The following ZNF483 variants were observed in gnomAD, a reference collection of about 807,000 sequenced individuals.
ZNF483 encodes zinc finger protein 483.
ZNF483 carries 9 observed loss-of-function variants against 28.6 expected under a neutral mutation model. The ratio of observed to expected loss-of-function variants is 0.32; its 90% confidence interval spans 0.19 to 0.55. The LOEUF is 0.55. Among genes scored for constraint, ZNF483 ranks in the 20% least tolerant of loss-of-function variants. The pLI, the probability that ZNF483 is intolerant of heterozygous loss-of-function variation, is 0.93. For missense variants in ZNF483, 675 were observed against 871.7 expected, an observed-to-expected ratio of 0.77 and a Z score of 2.84; for synonymous variants, 322 against 306.2, an observed-to-expected ratio of 1.05 and a Z score of -0.54.
chr9:111,549,638 G>A lies in ZNF483; in HGVS notation c.*6468G>A, dbSNP rs76345666. 105,135 of 1,157,368 alleles carry A rather than the reference G, an allele frequency of 0.091. 5,202 individuals carry two copies. Among genetic ancestry groups the A allele is most frequent in the East Asian group, 0.14 (5,229 of 37,648 alleles). 71.7% of individuals were successfully genotyped at this position (1,157,368 alleles called of 1,614,324 possible). On this transcript the variant is annotated 3_prime_UTR_variant, in exon 6 of 6. Coordinates refer to ENST00000309235, the MANE Select transcript of ZNF483 (RefSeq NM_133464.5). ...CTGTAGCTCTTCTGGGGCAGCGGTC[G>A]TGGTGGTGGTGGCAGCGGCAGCAGG... is the stretch of plus-strand genomic sequence containing the variant.
rs879328337 is a variant in ZNF483, at chr9:111,549,869, G to A, written c.*6699G>A. On this transcript the variant is annotated 3_prime_UTR_variant, in exon 6 of 6. Transcript: ENST00000309235. ...GCAGTTGCTTTAAAGTCTGTCTAGT[G>A]AGTCAATGTTTGGTCTTCCTCATGT... The A allele has an allele frequency of 5.1e-6, 5 of 978,206 alleles. No individual in the cohort carries two copies. The highest frequency in any genetic ancestry group is 7.8e-6 in the Non-Finnish European group (5 of 639,384). The allele number at this position is 978,206 out of a possible 1,614,324, so 60.6% of individuals were successfully genotyped here. A position where few individuals can be genotyped will look rare whatever the true frequency, so the allele number is the denominator to read the frequency against.
chr9:111,563,223 G>A lies in ZNF483; in HGVS notation c.722-13142G>A, dbSNP rs774763628. On this transcript the variant is annotated intron_variant, in intron 5 of 5. Transcript: ENST00000358151. The stretch of plus-strand genomic sequence containing the variant: ...CTTCAATGATATATTCCTTGTACTG[G>A]ATTTTACCCTGTATCAAAGCAACAA... 3 of 1,611,882 alleles carry A rather than the reference G, an allele frequency of 1.9e-6. No individual in the cohort carries two copies. The Admixed American group carries it at 5.0e-5, about 27-fold the overall frequency.
chr9:111,526,691 C>T (rs1827192330), intron 1 of ZNF483, among the ~76,000 whole-genome samples: 1 of 152,192 alleles, frequency 6.6e-6, no homozygotes, highest in Admixed American at 6.5e-5. Context: ...TGTTAAATAG[C>T]TTTGTGACTG....
intron 2 of ZNF483, 67 bp from the exon 3 acceptor site, chr9:111,530,808 T>A: frequency 7.1e-6 from 1 of 140,330 alleles, no homozygotes; most frequent in Non-Finnish European, 1.5e-5. Context: ...TATACATATA[T>A]ATATATAAGA....
At chr9:111,574,486 C>G in intron 5 of ZNF483, 1 of 223,442 alleles carries the variant, frequency 4.5e-6, no homozygotes, top group Non-Finnish European at 8.7e-6. Flanking sequence ...GTAGCTGGGA[C>G]TACAGGTGTA....
chr9:111,528,013 G>A (rs1290845890), intron 2 of ZNF483: 20 of 1,458,878 alleles, frequency 1.4e-5, no homozygotes, highest in Non-Finnish European at 1.7e-5. Context: ...TGTTAAAAAG[G>A]GATTTTATCT....
chr9:111,570,304 G>A (rs1828754333), intron 5 of ZNF483: 1 of 1,474,362 alleles, frequency 6.8e-7, no homozygotes, highest in Non-Finnish European at 9.0e-7. Context: ...CTTGGTGCTG[G>A]GAGTTTTTTG....
At position 111,560,966 on chromosome 9, in the gene ZNF483, TATATATATAGAGAGAGAG is replaced by T. The variant is rs1224918834; in HGVS notation, c.722-15397_722-15380del. ...TAAAATATATATATATATATATATA[TATATATATAGAGAGAGAG>T]AGAGAGAGAGAGAGAGAGAGAGAGA... is the stretch of plus-strand genomic sequence containing the variant. On this transcript the variant is annotated intron_variant, in intron 5 of 5. Coordinates refer to the ZNF483 transcript ENST00000358151. 5.7e-4 allele frequency among the ~76,000 whole-genome samples: 26 copies of T among 45,356 alleles called. 4 individuals carry two copies. The Admixed American group carries it at 6.8e-3, about 12-fold the overall frequency. The allele number at this position is 45,356 out of a possible 152,430, so 29.8% of individuals were successfully genotyped here. A position where few individuals can be genotyped will look rare whatever the true frequency, so the allele number is the denominator to read the frequency against.
chr9:111,573,783 C>T (rs1441604473), intron 5 of ZNF483, among the ~76,000 whole-genome samples: 1 of 152,124 alleles, frequency 6.6e-6, no homozygotes, highest in African/African-American at 2.4e-5. Context: ...TCTCACAGGA[C>T]TGGGATTTAA....
At chr9:111,534,718 CTTTTTTTTT>C (rs67740162) in intron 5 of ZNF483, among the ~76,000 whole-genome samples, 1 of 88,130 alleles carries the variant, frequency 1.1e-5, no homozygotes, top group African/African-American at 4.5e-5. Context: ...GTCGTTCTAT[CTTTTTTTTT>C]TTTTTTTTTT....
intron 5 of ZNF483, among the ~76,000 whole-genome samples, chr9:111,534,888 T>G (rs1483888234): frequency 2.0e-5 from 3 of 151,988 alleles, no homozygotes; most frequent in Non-Finnish European, 4.4e-5. Context: ...CAAGCCTGGC[T>G]AATTTTTTGT....
In ZNF483 at chr9:111,543,076, C is replaced by A; in HGVS notation, c.2141C>A (p.Thr714Asn). The A allele has an allele frequency of 6.2e-7, 1 of 1,614,040 alleles. No individual in the cohort carries two copies. Among genetic ancestry groups the A allele is most frequent in the Non-Finnish European group, 8.5e-7 (1 of 1,179,996 alleles). Residue 714 changes from threonine (T) to asparagine (N), a missense_variant, in exon 6 of 6, where the codon ACC (threonine) becomes AAC (asparagine). Around this residue, in one of 6 missense-constraint regions of ZNF483, gnomAD observed 55 missense variants for 72.4 expected, o/e 0.76. Transcript: ENST00000309235. Reference sequence around the variant, plus strand: ...CTTGTAGAACACCTAAAAATTCATACCGGAAGGAGAGAATATGAATGTAAC... The same window carrying A: ...CTTGTAGAACACCTAAAAATTCATAACGGAAGGAGAGAATATGAATGTAAC... Reference protein sequence around the residue: ...SILVEHLKIHTGRREYECNEC... With the variant: ...SILVEHLKIHNGRREYECNEC...
rs746809657 is a variant in ZNF483 at position 111,541,841 on chromosome 9, A to G, written c.906A>G (p.Pro302=). 2.1e-4 allele frequency: 335 copies of G among 1,614,060 alleles called. No homozygotes were observed. Among genetic ancestry groups the G allele is most frequent in the Non-Finnish European group, 2.8e-4 (327 of 1,180,028 alleles). Residue 302 remains proline (P), a synonymous_variant, in exon 6 of 6, where the codon CCA becomes CCG. Coordinates refer to ENST00000309235, the MANE Select transcript of ZNF483 (RefSeq NM_133464.5). ...GSGSRGKKFD[P]DKSPFGHNFK... Reference sequence around the variant, plus strand: ...GCAGTAGGGGTAAGAAATTTGACCCAGATAAAAGCCCCTTTGGACATAATT... The same window carrying G: ...GCAGTAGGGGTAAGAAATTTGACCCGGATAAAAGCCCCTTTGGACATAATT...
chr9:111,543,552 A>C lies in ZNF483; in HGVS notation c.*382A>C. The C allele has an allele frequency of 1.0e-6, 1 of 996,988 alleles. No individual in the cohort carries two copies. The highest frequency in any genetic ancestry group is 1.2e-6 in the Non-Finnish European group (1 of 837,874). 61.8% of individuals were successfully genotyped at this position (996,988 alleles called of 1,614,324 possible). A position where few individuals can be genotyped will look rare whatever the true frequency, so the allele number is the denominator to read the frequency against. On this transcript the variant is annotated 3_prime_UTR_variant, in exon 6 of 6. Coordinates refer to ENST00000309235, the MANE Select transcript of ZNF483 (RefSeq NM_133464.5). ...CAACTTGCTGTATACACCTTGGACA[A>C]GTCATTTGACCTTTCAGAATTTTAT...
In ZNF483 at chr9:111,542,203, A is replaced by C; in HGVS notation, c.1268A>C (p.Glu423Ala). ...AAATGTCGGAAAGATTCATGTCAAG[A>C]AGCAGCCTTAAATAAAGATGAGGGA... is the stretch of plus-strand genomic sequence containing the variant. ...CEKCRKDSCQEAALNKDEGNE... is the reference protein window; with the variant it reads ...CEKCRKDSCQAAALNKDEGNE... The change falls in exon 6 of 6, where the codon GAA becomes GCA. Residue 423 changes from glutamate to alanine, a missense_variant. Transcript: ENST00000309235. The surrounding 1 kb of genome is among the most constrained non-coding windows in gnomAD (Gnocchi z 6.2). 1 of 1,614,134 alleles carries C rather than the reference A, an allele frequency of 6.2e-7. No individual in the cohort carries two copies. Among genetic ancestry groups the C allele is most frequent in the Non-Finnish European group, 8.5e-7 (1 of 1,180,030 alleles).
At chr9:111,536,928 T>C (rs1393149785) in intron 5 of ZNF483, among the ~76,000 whole-genome samples, 1 of 152,160 alleles carries the variant, frequency 6.6e-6, no homozygotes, top group East Asian at 1.9e-4. Flanking sequence ...TATCGATCAC[T>C]AAATTTATGT....
Position 111,549,650 on chromosome 9 carries a change from G to A in ZNF483, c.*6480G>A. On this transcript the variant is annotated 3_prime_UTR_variant, in exon 6 of 6. Coordinates refer to ENST00000309235, the MANE Select transcript of ZNF483 (RefSeq NM_133464.5). ...TGGGGCAGCGGTCGTGGTGGTGGTG[G>A]CAGCGGCAGCAGGGTTCCCCATTGA... is the stretch of plus-strand genomic sequence containing the variant. The A allele has an allele frequency of 2.3e-6, 3 of 1,311,042 alleles. No individual in the cohort carries two copies. Among genetic ancestry groups the A allele is most frequent in the South Asian group, 1.3e-5 (1 of 74,816 alleles). 81.2% of individuals were successfully genotyped at this position (1,311,042 alleles called of 1,614,324 possible). A position where few individuals can be genotyped will look rare whatever the true frequency, so the allele number is the denominator to read the frequency against.
chr9:111,560,974 T>TAG (rs1172194603), intron 5 of ZNF483, among the ~76,000 whole-genome samples: 1 of 9,334 alleles, frequency 1.1e-4, no homozygotes, highest in African/African-American at 4.9e-4. Flanking sequence ...TATATATATA[T>TAG]AGAGAGAGAG....
At chr9:111,535,284 G>A (rs1195164438) in intron 5 of ZNF483, among the ~76,000 whole-genome samples, 2 of 152,320 alleles carry the variant, frequency 1.3e-5, no homozygotes, top group East Asian at 3.9e-4. Context: ...ATCGAAACAA[G>A]AGTGTTAACA....
Sources: gnomAD v4.1 joint callset for allele counts (sites outside exome capture counted in the v4.1 genomes callset) on GRCh38, gnomAD v4.1.1 for gene constraint, gnomAD v4.1.1 regional missense constraint, Gnocchi (gnomAD v3.1) non-coding constraint, MANE v1.5 for transcripts, NCBI Gene and HGNC (gene_info 2026-07-23, HGNC 2026-07-21) for gene names.